Variants in MSR1 observed in about 807,000 individuals in gnomAD.
MSR1 encodes the protein macrophage scavenger receptor types I and II.
In MSR1, 53 loss-of-function variants were observed where a neutral mutation model predicts 47.2. That is an observed-to-expected ratio of 1.12 (90% CI 0.90 to 1.41). The LOEUF is 1.41. Ranked by LOEUF, MSR1 falls within the 40% of genes most tolerant of loss-of-function variation. MSR1 has a pLI of 0.00. For synonymous variants in MSR1, 239 were observed against 185.6 expected, an observed-to-expected ratio of 1.29 and a Z score of -2.34; for missense variants, 786 against 546.9, an observed-to-expected ratio of 1.44 and a Z score of -4.36.
chr8:16,176,270 G>A (rs1801643277), intron 2 of MSR1, among the ~76,000 whole-genome samples: 1 of 152,158 alleles, frequency 6.6e-6, no homozygotes, highest in Admixed American at 6.5e-5. Context: ...ACTTTGGGAG[G>A]CCAAGGCGGG....
chr8:16,111,958 C>T (rs186352509), intron 9 of MSR1, among the ~76,000 whole-genome samples: 15 of 149,686 alleles, frequency 1.0e-4, no homozygotes, highest in Admixed American at 2.7e-4. Flanking sequence ...ACTTATTTAG[C>T]AAATCTCCTT....
intron 8 of MSR1, 107 bp downstream of exon 8, chr8:16,143,451 T>C (rs1361938956): frequency 2.2e-6 from 2 of 909,026 alleles, no homozygotes; most frequent in African/African-American, 3.3e-5. Context: ...AGAGTCTGTA[T>C]GGATCTGTGC....
intron 1 of MSR1, among the ~76,000 whole-genome samples, chr8:16,190,692 G>A (rs970804441): frequency 4.0e-5 from 6 of 149,612 alleles, no homozygotes; most frequent in African/African-American, 1.2e-4. Flanking sequence ...TCCCTATTTA[G>A]TTTTTTTATC....
chr8:16,132,793 G>C (rs1800292674), intron 8 of MSR1, among the ~76,000 whole-genome samples: 1 of 152,046 alleles, frequency 6.6e-6, no homozygotes, highest in Admixed American at 6.5e-5. Context: ...CTCTGGCCAG[G>C]ACTTCCAATA....
intron 3 of MSR1, among the ~76,000 whole-genome samples, chr8:16,169,505 T>A (rs1431375489): frequency 6.6e-6 from 1 of 152,146 alleles, no homozygotes; most frequent in East Asian, 1.9e-4. Flanking sequence ...TAAGACTCCT[T>A]TTTAACTATT....
At chr8:16,180,436 G>C (rs1026545740) in intron 1 of MSR1, among the ~76,000 whole-genome samples, 1 of 152,134 alleles carries the variant, frequency 6.6e-6, no homozygotes, top group African/African-American at 2.4e-5. Context: ...ATTCTCAAGA[G>C]GTGATGCAAT....
In MSR1 at chr8:16,150,140, GTATATATATATA is replaced by G. The variant is rs55913131; in HGVS notation, c.979+79_979+90del. The G allele has an allele frequency of 2.6e-3, 460 of 178,328 alleles. 14 individuals carry two copies. Among genetic ancestry groups the G allele is most frequent in the African/African-American group, 0.012 (379 of 32,414 alleles). The allele number at this position is 178,328 out of a possible 1,614,324, so 11.0% of individuals were successfully genotyped here. ...TATGTGTGTGTGTATGTGTGTGTGTGTATATATATATATATATATATATATATATATAAAATT... is the reference window on the plus strand; with the variant it reads ...TATGTGTGTGTGTATGTGTGTGTGTGTATATATATATATATATATAAAATT... On this transcript the variant is annotated intron_variant, in intron 7 of 9. Coordinates refer to ENST00000262101, the MANE Select transcript of MSR1 (RefSeq NM_138715.3).
chr8:16,170,049 A>C (rs2117187003), intron 3 of MSR1, among the ~76,000 whole-genome samples: 1 of 152,248 alleles, frequency 6.6e-6, no homozygotes, highest in East Asian at 1.9e-4. Flanking sequence ...CTTAAACATT[A>C]ACTTTTTATG....
At chr8:16,120,715 A>ATT in intron 8 of MSR1, 109 bp from the exon 9 acceptor site, 1 of 1,313,964 alleles carries the variant, frequency 7.6e-7, no homozygotes, top group Non-Finnish European at 1.0e-6. Context: ...TGTTTAGCAC[A>ATT]TTTTCCAAAT....
chr8:16,171,691 A>G (rs1213986108), intron 3 of MSR1, among the ~76,000 whole-genome samples: 2 of 152,238 alleles, frequency 1.3e-5, no homozygotes, highest in African/African-American at 4.8e-5. Context: ...GAGCCCAAAT[A>G]AACAATTTTA....
At position 16,109,110 on chromosome 8, in the gene MSR1, C is replaced by A. The variant is rs1799697757; in HGVS notation, c.*975G>T. 2 of 151,692 alleles carry A rather than the reference C, an allele frequency of 1.3e-5. No individual in the cohort carries two copies. Among genetic ancestry groups the A allele is most frequent in the South Asian group, 4.2e-4 (2 of 4,790 alleles). 9.4% of individuals were successfully genotyped at this position (151,692 alleles called of 1,614,324 possible). On this transcript the variant is annotated 3_prime_UTR_variant, in exon 10 of 10. Transcript: ENST00000262101. Reference sequence around the variant, plus strand: ...TGGGTTGACTACCAACAAAAGGTTGCTAAACTACTTTTTTGGGGCATGCTC... The same window carrying A: ...TGGGTTGACTACCAACAAAAGGTTGATAAACTACTTTTTTGGGGCATGCTC...
intron 6 of MSR1, 48 bp downstream of exon 6, chr8:16,155,016 T>C: frequency 6.9e-7 from 1 of 1,448,740 alleles, no homozygotes; most frequent in Non-Finnish European, 9.7e-7. Context: ...CCTGGATGTA[T>C]ATCATCTATC....
At chr8:16,174,451 G>C (rs879771790) in intron 3 of MSR1, among the ~76,000 whole-genome samples, 3 of 152,104 alleles carry the variant, frequency 2.0e-5, no homozygotes, top group Non-Finnish European at 2.9e-5. Context: ...ATTTACATAA[G>C]TGCTTACGGT....
chr8:16,147,278 C>G (rs750036305), intron 7 of MSR1, among the ~76,000 whole-genome samples: 1 of 152,032 alleles, frequency 6.6e-6, no homozygotes, highest in Non-Finnish European at 1.5e-5. Context: ...GTTTGTGTAT[C>G]TTTTCAGTTG....
chr8:16,125,962 G>A (rs1313879065), intron 8 of MSR1, among the ~76,000 whole-genome samples: 3 of 152,020 alleles, frequency 2.0e-5, no homozygotes, highest in African/African-American at 4.8e-5. Context: ...ACAAATACTT[G>A]TAATCAAGAT....
In MSR1 at chr8:16,138,191, G is replaced by C. The variant is rs890068055; in HGVS notation, c.1033+5367C>G. 2.6e-5 allele frequency among the ~76,000 whole-genome samples: 4 copies of C among 152,092 alleles called. 1 individual carries two copies. The highest frequency in any genetic ancestry group is 9.7e-5 in the African/African-American group (4 of 41,448). Reference sequence around the variant, plus strand: ...ACTCAAAATTCACATCCTAGTTGTAGTCTCATTGCACTTGAGCAAAGAATG... The same window carrying C: ...ACTCAAAATTCACATCCTAGTTGTACTCTCATTGCACTTGAGCAAAGAATG... On this transcript the variant is annotated intron_variant, in intron 8 of 9. Coordinates refer to ENST00000262101, the MANE Select transcript of MSR1 (RefSeq NM_138715.3).
intron 5 of MSR1, among the ~76,000 whole-genome samples, chr8:16,158,930 A>ATTTTTTTTTTTTTTTTTTTTTTTTT: frequency 9.3e-6 from 1 of 107,802 alleles, no homozygotes; most frequent in Non-Finnish European, 1.8e-5. Flanking sequence ...CCTTTGGTTA[A>ATTTTTTTTTTTTTTTTTTTTTTTTT]TTTTTTTTTT....
At chr8:16,113,640 A>G (rs544275229) in intron 9 of MSR1, among the ~76,000 whole-genome samples, 1 of 152,286 alleles carries the variant, frequency 6.6e-6, no homozygotes, top group African/African-American at 2.4e-5. Flanking sequence ...TTTGGATTGT[A>G]GTTTTGTGCT....
intron 7 of MSR1, 68 bp from the exon 8 acceptor site, chr8:16,143,679 CAG>C: frequency 9.1e-7 from 1 of 1,103,868 alleles, no homozygotes; most frequent in Non-Finnish European, 1.4e-6. Context: ...TAACTGGAGA[CAG>C]ATCATCACAA....
Sources: allele counts gnomAD v4.1 joint callset (sites outside exome capture counted in the v4.1 genomes callset), GRCh38; gene constraint gnomAD v4.1.1; transcripts MANE v1.5; gene names NCBI Gene and HGNC (gene_info 2026-07-23, HGNC 2026-07-21).